Variants in GAK observed in about 807,000 individuals in gnomAD.
The protein encoded by GAK is cyclin G associated kinase.
In GAK, 79 loss-of-function variants were observed where a neutral mutation model predicts 143.9. That is an observed-to-expected ratio of 0.55 (90% CI 0.46 to 0.66). The LOEUF (loss-of-function observed/expected upper bound fraction) is 0.66, where lower values mean the gene tolerates loss of function less well. Among genes scored for constraint, GAK ranks in the 30% least tolerant of loss-of-function variants. The pLI is 0.00. For missense variants in GAK, 1,693 were observed against 1,779.7 expected (o/e 0.95, Z 0.88); for synonymous variants, 881 against 765.5 (o/e 1.15, Z -2.49).
rs1182549301 is a variant in GAK at position 893,988 on chromosome 4, G to A, written c.763C>T (p.Leu255=). The A allele has an allele frequency of 6.2e-7, 1 of 1,610,334 alleles. No individual in the cohort carries two copies. Among genetic ancestry groups the A allele is most frequent in the Non-Finnish European group, 8.5e-7 (1 of 1,178,606 alleles). The stretch of plus-strand genomic sequence containing the variant: ...AAAGGGTGCTGCCGGAAGCACAGCA[G>A]GTACAAGATGCAGCCCAGGGCCTGC... ...DIWALGCILY[L]LCFRQHPFED... The change falls in exon 8 of 28, where the codon CTG becomes TTG. Residue 255 remains leucine (L), a synonymous_variant. Coordinates refer to ENST00000314167, the MANE Select transcript of GAK (RefSeq NM_005255.4).
chr4:893,150 G>C (rs1718005350), intron 9 of GAK, among the ~76,000 whole-genome samples: 1 of 151,336 alleles, frequency 6.6e-6, no homozygotes, highest in African/African-American at 2.4e-5. Flanking sequence ...TGTGATAGGA[G>C]ACTTGGGGTT....
chr4:858,325 C>T (rs1042485253), intron 24 of GAK, among the ~76,000 whole-genome samples: 3 of 152,210 alleles, frequency 2.0e-5, no homozygotes, highest in Non-Finnish European at 2.9e-5. Flanking sequence ...GAATTGCTGT[C>T]TTCCTAGAAG....
intron 4 of GAK, among the ~76,000 whole-genome samples, chr4:905,553 G>A (rs527692502): frequency 5.9e-4 from 84 of 142,718 alleles, no homozygotes; most frequent in African/African-American, 2.0e-3. Flanking sequence ...ACTCCGCCAC[G>A]CCCCAGGCCA....
intron 24 of GAK, among the ~76,000 whole-genome samples, chr4:858,926 C>T (rs1289481114): frequency 6.6e-6 from 1 of 152,242 alleles, no homozygotes; most frequent in African/African-American, 2.4e-5. Context: ...CACCAACAAG[C>T]ATCCCAAGGT....
chr4:888,547 A>C, intron 11 of GAK: 1 of 369,992 alleles, frequency 2.7e-6, no homozygotes, highest in Non-Finnish European at 4.9e-6. Flanking sequence ...GAGTCCCGGG[A>C]ACAAGCCAGG....
rs1440932238 is a variant in GAK at position 882,784 on chromosome 4, T to G, written c.1440A>C (p.Pro480=). The part of the protein sequence containing the change: ...SECGWAARRA[P]HLHTLYNICR... The stretch of plus-strand genomic sequence containing the variant: ...AGATGTTGTACAGGGTGTGCAGGTG[T>G]GGGGCCCGCCGTGCTGCCCAGCCAC... Residue 480 remains proline (P), a synonymous_variant, in exon 14 of 28, where the codon CCA becomes CCC. Transcript: ENST00000314167. The G allele has an allele frequency of 2.5e-6, 4 of 1,610,218 alleles. No individual in the cohort carries two copies. Among genetic ancestry groups the G allele is most frequent in the Non-Finnish European group, 3.4e-6 (4 of 1,179,844 alleles).
intron 4 of GAK, among the ~76,000 whole-genome samples, chr4:906,276 A>G (rs1481428408): frequency 6.6e-6 from 1 of 152,210 alleles, no homozygotes; most frequent in Non-Finnish European, 1.5e-5. Flanking sequence ...CTACAAATAC[A>G]CAAGTGCTCA....
rs73064412 is a variant in GAK at position 864,486 on chromosome 4, C to T, written c.3166+636G>A. 2.8e-3 allele frequency among the ~76,000 whole-genome samples: 433 copies of T among 152,322 alleles called. 3 individuals are homozygous for T. Among genetic ancestry groups the T allele is most frequent in the African/African-American group, 9.9e-3 (413 of 41,584 alleles). ...TGACTGTGGTCTGGAAGCAAACCCG[C>T]GACATCGCTGAGGCCGGCCCAAGAC... On this transcript the variant is annotated intron_variant, in intron 23 of 27. Coordinates refer to ENST00000314167, the MANE Select transcript of GAK (RefSeq NM_005255.4).
rs761829170 is a variant in GAK, at chr4:888,951, G to A, written c.1101C>T (p.Tyr367=). ...CCAGGAAGCCGCCATACGGCTGGTC[G>A]TACTCCGCCAGCGCCAGGCCTGCAG... ...GYSGGLALAE[Y]DQPYGGFLDI... Residue 367 remains tyrosine (Y), a synonymous_variant, in exon 11 of 28, where the codon TAC becomes TAT. Coordinates refer to ENST00000314167, the MANE Select transcript of GAK (RefSeq NM_005255.4). 9.3e-6 allele frequency: 15 copies of A among 1,611,258 alleles called. No homozygotes were observed. Among genetic ancestry groups the A allele is most frequent in the Admixed American group, 3.3e-5 (2 of 59,924 alleles).
At chr4:931,335 T>C (rs1344378166) in intron 1 of GAK, among the ~76,000 whole-genome samples, 2 of 151,848 alleles carry the variant, frequency 1.3e-5, no homozygotes, top group Non-Finnish European at 2.9e-5. Flanking sequence ...ATCACACGAG[T>C]AGATGTTCAC....
Position 932,313 on chromosome 4 carries a change from G to A in GAK, c.-126C>T. On this transcript the variant is annotated 5_prime_UTR_variant, in exon 1 of 28. Coordinates refer to ENST00000314167, the MANE Select transcript of GAK (RefSeq NM_005255.4). The surrounding 1 kb of genome is among the most constrained non-coding windows in gnomAD (Gnocchi z 4.0). Reference sequence around the variant, plus strand: ...GCACCATCTTCCGCCTCGACGCCGTGACGTAGGCGCCCGTGAGGACGCGTC... The same window carrying A: ...GCACCATCTTCCGCCTCGACGCCGTAACGTAGGCGCCCGTGAGGACGCGTC... 1 of 1,375,162 alleles carries A rather than the reference G, an allele frequency of 7.3e-7. No individual in the cohort carries two copies. 85.2% of individuals were successfully genotyped at this position (1,375,162 alleles called of 1,614,324 possible). A position where few individuals can be genotyped will look rare whatever the true frequency, so the allele number is the denominator to read the frequency against.
Position 913,658 on chromosome 4 carries a change from T to G in GAK, c.156A>C (p.Ala52=). Residue 52 remains alanine (A), a synonymous_variant, in exon 2 of 28, where the codon GCA becomes GCC. Coordinates refer to ENST00000314167, the MANE Select transcript of GAK (RefSeq NM_005255.4). ...VRRVLAEGGF[A]FVYEAQDVGS... Reference sequence around the variant, plus strand: ...CCACATCTTGAGCTTCATACACAAATGCAAACCCTCCTGAAAATTAAAAAG... The same window carrying G: ...CCACATCTTGAGCTTCATACACAAAGGCAAACCCTCCTGAAAATTAAAAAG... The G allele has an allele frequency of 6.2e-7, 1 of 1,613,344 alleles. No homozygotes were observed. The highest frequency in any genetic ancestry group is 1.1e-5 in the South Asian group (1 of 91,062).
intron 27 of GAK, 55 bp from the exon 28 acceptor site, chr4:849,829 G>A (rs959287132): frequency 1.5e-6 from 2 of 1,377,968 alleles, no homozygotes; most frequent in Admixed American, 4.3e-5. Flanking sequence ...GGCGGGCGGG[G>A]CAGGACCCCC....
Position 849,940 on chromosome 4 carries a change from T to G in GAK, c.3786A>C (p.Gln1262His). 1 of 1,605,994 alleles carries G rather than the reference T, an allele frequency of 6.2e-7. No individual in the cohort carries two copies. Reference sequence around the variant, plus strand: ...CCGCGCGGCGATAGTGCTTCTTCACTTGCTCCGGAGCCACCAGGTCGGCCA... The same window carrying G: ...CCGCGCGGCGATAGTGCTTCTTCACGTGCTCCGGAGCCACCAGGTCGGCCA... ...VGMADLVAPE[Q>H]VKKHYRRAVL... Residue 1262 changes from glutamine to histidine, a missense_variant, in exon 27 of 28, where the codon CAA becomes CAC. Gln to His is a conservative substitution (Grantham distance 24). Coordinates refer to ENST00000314167, the MANE Select transcript of GAK (RefSeq NM_005255.4).
At chr4:853,721 T>C (rs1748619517) in intron 24 of GAK, 1 of 152,424 alleles carries the variant, frequency 6.6e-6, no homozygotes, top group South Asian at 2.1e-4. Context: ...CAGCATTCGG[T>C]GATGCTGGGT....
At chr4:893,553 T>A in intron 8 of GAK, 64 bp from the exon 9 acceptor site, 1 of 1,221,178 alleles carries the variant, frequency 8.2e-7, no homozygotes, top group Non-Finnish European at 1.1e-6. Flanking sequence ...CCCCCTGCAC[T>A]GGCAGAGGTC....
intron 15 of GAK, among the ~76,000 whole-genome samples, chr4:879,999 C>T (rs1040254717): frequency 8.5e-5 from 13 of 152,336 alleles, no homozygotes; most frequent in Admixed American, 5.9e-4. Flanking sequence ...CCCACTGGAC[C>T]GCGCACCTGC....
chr4:897,937 G>C, intron 6 of GAK, 96 bp downstream of exon 6: 1 of 1,384,576 alleles, frequency 7.2e-7, no homozygotes, highest in Non-Finnish European at 9.7e-7. Flanking sequence ...GACAGAGCGA[G>C]ACTCAAAGCA....
rs1427048463 is a variant in GAK, at chr4:876,514, A to T, written c.2054+16T>A. On this transcript the variant is annotated intron_variant, in intron 18 of 27. Coordinates refer to ENST00000314167, the MANE Select transcript of GAK (RefSeq NM_005255.4). ...CACCTGTCCCTCCCCACCGAGCACA[A>T]GCGGTACCAACGTACTTGGCAAATT... 6.2e-7 allele frequency: 1 copy of T among 1,612,400 alleles called. No individual in the cohort carries two copies. The highest frequency in any genetic ancestry group is 2.2e-5 in the East Asian group (1 of 44,880).
Sources: allele counts gnomAD v4.1 joint callset (sites outside exome capture counted in the v4.1 genomes callset), GRCh38; gene constraint gnomAD v4.1.1; non-coding constraint Gnocchi (gnomAD v3.1); transcripts MANE v1.5; gene names NCBI Gene and HGNC (gene_info 2026-07-23, HGNC 2026-07-21).